Variants in TTLL1 observed in about 807,000 individuals in gnomAD.
TTLL1 encodes TTL family tubulin polyglutamylase complex subunit L1.
A neutral mutation model predicts 47.8 loss-of-function variants in TTLL1; 33 were observed. That is an observed-to-expected ratio of 0.69 (90% CI 0.52 to 0.92). TTLL1 has a LOEUF of 0.92. Ranked by LOEUF, TTLL1 falls within the 40% of genes least tolerant of loss-of-function variation. The probability of loss-of-function intolerance (pLI) is 0.00; values close to 1 mark genes in which losing one functional copy is unlikely to be tolerated. For synonymous variants in TTLL1, 225 were observed against 214.1 expected (o/e 1.05, Z -0.45); for missense variants, 488 against 547.5 (o/e 0.89, Z 1.08).
intron 7 of TTLL1, among the ~76,000 whole-genome samples, chr22:43,060,074 G>A (rs1927298382): frequency 6.6e-6 from 1 of 152,146 alleles, no homozygotes; most frequent in African/African-American, 2.4e-5. Context: ...CCAGGCTGGA[G>A]TGCAATGGCA....
At chr22:43,080,609 T>C (rs961927594) in intron 1 of TTLL1, among the ~76,000 whole-genome samples, 1 of 152,224 alleles carries the variant, frequency 6.6e-6, no homozygotes, top group Admixed American at 6.6e-5. Context: ...TCCTCCCACC[T>C]GCAAGCCTGT....
intron 4 of TTLL1, among the ~76,000 whole-genome samples, chr22:43,068,877 T>C (rs762746212): frequency 1.6e-4 from 25 of 152,168 alleles, no homozygotes; most frequent in Admixed American, 2.0e-4. Context: ...ACGAGGAAAC[T>C]GAGGCCCAGG....
chr22:43,069,754 G>A lies in TTLL1; in HGVS notation c.204C>T (p.His68=), dbSNP rs1243799607. 1 of 1,614,056 alleles carries A rather than the reference G, an allele frequency of 6.2e-7. No homozygotes were observed. The highest frequency in any genetic ancestry group is 8.5e-7 in the Non-Finnish European group (1 of 1,180,040). Residue 68 remains histidine (H), a synonymous_variant, in exon 4 of 11, where the codon CAC becomes CAT. Transcript: ENST00000266254. ...DDQIVNHFPN[H]YELTRKDLMV... Reference sequence around the variant, plus strand: ...TCAGGTCCTTCCGGGTCAGTTCATAGTGGTTTGGAAAATGGTTGACTATTT... The same window carrying A: ...TCAGGTCCTTCCGGGTCAGTTCATAATGGTTTGGAAAATGGTTGACTATTT...
chr22:43,069,521 C>A, intron 4 of TTLL1, 115 bp downstream of exon 4: 1 of 1,529,416 alleles, frequency 6.5e-7, no homozygotes, highest in Non-Finnish European at 8.7e-7. Flanking sequence ...GCCACCACAA[C>A]TCGCATGGAC....
intron 3 of TTLL1, among the ~76,000 whole-genome samples, chr22:43,071,514 A>G (rs1928121021): frequency 6.6e-6 from 1 of 152,160 alleles, no homozygotes; most frequent in Admixed American, 6.5e-5. Context: ...GGTTCGAGCC[A>G]TTCTCCTGCC....
intron 1 of TTLL1, among the ~76,000 whole-genome samples, chr22:43,086,885 T>G (rs1929260658): frequency 6.6e-6 from 1 of 152,184 alleles, no homozygotes; most frequent in Admixed American, 6.5e-5. Flanking sequence ...CATGTCACCC[T>G]GCTCACTACC....
chr22:43,072,396 C>T (rs1409315565), intron 3 of TTLL1, among the ~76,000 whole-genome samples: 1 of 152,038 alleles, frequency 6.6e-6, no homozygotes, highest in South Asian at 2.1e-4. Flanking sequence ...CCTTGTGATC[C>T]GCCCATCTCG....
chr22:43,070,817 T>C (rs1928069288), intron 3 of TTLL1, among the ~76,000 whole-genome samples: 1 of 152,208 alleles, frequency 6.6e-6, no homozygotes, highest in Non-Finnish European at 1.5e-5. Flanking sequence ...AAAGCATTTC[T>C]GTAAGATTCT....
intron 9 of TTLL1, among the ~76,000 whole-genome samples, chr22:43,047,083 T>C (rs185066199): frequency 2.0e-5 from 3 of 152,272 alleles, no homozygotes; most frequent in Admixed American, 6.5e-5. Context: ...TACTTAAAGG[T>C]AGGATTAGAA....
chr22:43,054,873 T>C (rs1190797143), intron 8 of TTLL1, among the ~76,000 whole-genome samples: 2 of 150,518 alleles, frequency 1.3e-5, no homozygotes, highest in South Asian at 2.1e-4. Flanking sequence ...CTACAGGCAC[T>C]GCCACTACGC....
intron 9 of TTLL1, among the ~76,000 whole-genome samples, chr22:43,047,641 G>A (rs576258175): frequency 9.2e-5 from 14 of 152,026 alleles, no homozygotes; most frequent in Non-Finnish European, 1.9e-4. Context: ...GCTAATACTT[G>A]TATTTTCAGT....
At chr22:43,073,829 A>T (rs5759135) in intron 3 of TTLL1, among the ~76,000 whole-genome samples, 18,434 of 142,222 alleles carry the variant, frequency 0.13, 1,485 homozygotes, top group African/African-American at 0.24. Context: ...TTATTTATTT[A>T]TTTATTTTTT....
Position 43,042,329 on chromosome 22 carries a change from C to T in TTLL1, c.1143-2424G>A, listed in dbSNP as rs1220163625. ...TTGGCAAGCAGCTGGCACCGGGATG[C>T]GCTGTTCCCAGGGGTGGTCTGGCCA... On this transcript the variant is annotated intron_variant, in intron 10 of 10. Coordinates refer to ENST00000266254, the MANE Select transcript of TTLL1 (RefSeq NM_012263.5). Among the ~76,000 whole-genome samples, 4 of 152,200 alleles carry T rather than the reference C, an allele frequency of 2.6e-5. No homozygotes were observed. The East Asian group carries it at 5.8e-4, about 22-fold the overall frequency.
intron 7 of TTLL1, among the ~76,000 whole-genome samples, chr22:43,063,155 C>A (rs1442432427): frequency 2.0e-5 from 3 of 152,160 alleles, no homozygotes; most frequent in Non-Finnish European, 4.4e-5. Context: ...TGACATCCTC[C>A]CACAGTCCCG....
rs2272869 is a variant in TTLL1, at chr22:43,063,849, G to A, written c.711C>T (p.Phe237=). 7.7e-3 allele frequency: 12,462 copies of A among 1,614,028 alleles called. 791 individuals carry two copies. In the East Asian group the frequency reaches 0.13, roughly 17 times the overall value. ...TPSTSELDNM[F]VHLTNVAIQK... is the part of the protein sequence containing the mutation. Reference sequence around the variant, plus strand: ...GGATGGCGACGTTGGTGAGATGAACGAACATGTTGTCCAGCTCACTGGTAC... The same window carrying A: ...GGATGGCGACGTTGGTGAGATGAACAAACATGTTGTCCAGCTCACTGGTAC... The change falls in exon 7 of 11, where the codon TTC becomes TTT. Residue 237 remains phenylalanine (F), a synonymous_variant. Transcript: ENST00000266254.
intron 3 of TTLL1, among the ~76,000 whole-genome samples, chr22:43,075,197 G>A (rs1370435425): frequency 1.3e-5 from 2 of 152,100 alleles, no homozygotes; most frequent in Admixed American, 1.3e-4. Flanking sequence ...CACGCTCACT[G>A]GAAGGGGAGG....
In TTLL1 at chr22:43,069,718, G is replaced by A. The variant is rs755786611; in HGVS notation, c.240C>T (p.Asn80=). The stretch of plus-strand genomic sequence containing the variant: ...CCAGCTCCTTCCTGTATCTTTTGAT[G>A]TTCTTCACCATCAGGTCCTTCCGGG... The part of the protein sequence containing the change: ...ELTRKDLMVK[N]IKRYRKELEK... The change falls in exon 4 of 11, where the codon AAC becomes AAT. Residue 80 remains asparagine, a synonymous_variant. Coordinates refer to ENST00000266254, the MANE Select transcript of TTLL1 (RefSeq NM_012263.5). The A allele has an allele frequency of 2.5e-6, 4 of 1,614,082 alleles. No individual in the cohort carries two copies. The highest frequency in any genetic ancestry group is 8.5e-7 in the Non-Finnish European group (1 of 1,180,060).
At chr22:43,043,125 G>A (rs1049916475) in intron 10 of TTLL1, among the ~76,000 whole-genome samples, 10 of 151,880 alleles carry the variant, frequency 6.6e-5, no homozygotes, top group Admixed American at 4.6e-4. Flanking sequence ...ATTTTTAGCA[G>A]AGACGGGATT....
At chr22:43,040,282 G>C (rs1925561249) in intron 10 of TTLL1, 1 of 186,318 alleles carries the variant, frequency 5.4e-6, no homozygotes, top group Non-Finnish European at 1.1e-5. Context: ...AGGTGAGACT[G>C]CCTGGCTGGA....
Sources: allele counts gnomAD v4.1 joint callset (sites outside exome capture counted in the v4.1 genomes callset), GRCh38; gene constraint gnomAD v4.1.1; transcripts MANE v1.5; gene names NCBI Gene and HGNC (gene_info 2026-07-23, HGNC 2026-07-21).